The following NPAS3 variants were observed in gnomAD, a reference collection of about 807,000 sequenced individuals.
NPAS3 encodes neuronal PAS domain protein 3, also known as neuronal PAS domain-containing protein 3.
NPAS3 carries 14 observed loss-of-function variants against 73.1 expected under a neutral mutation model. The observed-to-expected ratio is 0.19, with a 90% CI of 0.13 to 0.30. The LOEUF (loss-of-function observed/expected upper bound fraction) is 0.30, where lower values mean the gene tolerates loss of function less well. Ranked by LOEUF, NPAS3 falls within the 10% of genes least tolerant of loss-of-function variation. The pLI is 1.00. For synonymous variants in NPAS3, 620 were observed against 541.5 expected (o/e 1.14, Z -2.01); for missense variants, 1,096 against 1,250.0 (o/e 0.88, Z 1.86).
chr14:33,391,384 G>A (rs2046998029), intron 4 of NPAS3, among the ~76,000 whole-genome samples: 1 of 151,734 alleles, frequency 6.6e-6, no homozygotes, highest in Non-Finnish European at 1.5e-5. Context: ...GTAGAGATGG[G>A]GTTTCTCTAT....
At chr14:33,269,734 C>T (rs1469184311) in intron 3 of NPAS3, among the ~76,000 whole-genome samples, 1 of 150,590 alleles carries the variant, frequency 6.6e-6, no homozygotes, top group Non-Finnish European at 1.5e-5. Context: ...TGCCAAAAAG[C>T]TTTATTCGTA....
At chr14:33,425,539 C>T (rs960394748) in intron 4 of NPAS3, among the ~76,000 whole-genome samples, 1 of 115,936 alleles carries the variant, frequency 8.6e-6, no homozygotes, top group Non-Finnish European at 1.7e-5. Flanking sequence ...TTCCACTCCA[C>T]CTTTTTTTTT....
chr14:33,237,295 A>G (rs909044110), intron 3 of NPAS3, among the ~76,000 whole-genome samples: 1 of 152,120 alleles, frequency 6.6e-6, no homozygotes, highest in Non-Finnish European at 1.5e-5. Context: ...CTACTTTGTT[A>G]AACAGCATTT....
rs189611787 is a variant in NPAS3 at position 33,201,500 on chromosome 14, T to G, written c.141-13682T>G. ...TGCCTGATAACTCAAAAGGACACCT[T>G]GAGGAGAAACCTTTTGAGATGAATA... is the stretch of plus-strand genomic sequence containing the variant. On this transcript the variant is annotated intron_variant, in intron 2 of 11. Coordinates refer to ENST00000356141, the Ensembl canonical transcript of NPAS3. 2.7e-3 allele frequency among the ~76,000 whole-genome samples: 411 copies of G among 152,310 alleles called. 2 individuals are homozygous for G. The highest frequency in any genetic ancestry group is 9.4e-3 in the African/African-American group (391 of 41,564).
At chr14:33,751,816 C>T (rs988798103) in intron 7 of NPAS3, among the ~76,000 whole-genome samples, 2 of 152,088 alleles carry the variant, frequency 1.3e-5, no homozygotes, top group African/African-American at 4.8e-5. Flanking sequence ...GTACCCAATC[C>T]CTTTGTCCCA....
At chr14:33,187,035 T>A (rs1445796470) in intron 2 of NPAS3, among the ~76,000 whole-genome samples, 1 of 152,204 alleles carries the variant, frequency 6.6e-6, no homozygotes, top group Non-Finnish European at 1.5e-5. Context: ...TAAACCAGCA[T>A]CCTGGATTTC....
chr14:33,380,628 A>G (rs2046505784), intron 4 of NPAS3, among the ~76,000 whole-genome samples: 1 of 152,232 alleles, frequency 6.6e-6, no homozygotes, highest in Non-Finnish European at 1.5e-5. Context: ...AGAAAATGTC[A>G]TGCCATTTTG....
chr14:33,034,222 G>A (rs1406440197), intron 1 of NPAS3, among the ~76,000 whole-genome samples: 1 of 151,678 alleles, frequency 6.6e-6, no homozygotes, highest in East Asian at 1.9e-4. Context: ...GAAATCAGAA[G>A]CTAAATTACA....
At chr14:33,721,776 C>T (rs17101773) in intron 6 of NPAS3, among the ~76,000 whole-genome samples, 22,187 of 152,090 alleles carry the variant, frequency 0.15, 1,894 homozygotes, top group East Asian at 0.27. Context: ...ATAAGCACTA[C>T]GTATATGATC....
intron 5 of NPAS3, among the ~76,000 whole-genome samples, chr14:33,634,570 C>A (rs2058464108): frequency 6.6e-6 from 1 of 152,018 alleles, no homozygotes; most frequent in Admixed American, 6.6e-5. Flanking sequence ...CAGAGAGCAC[C>A]AGGAGTAGTA....
intron 4 of NPAS3, among the ~76,000 whole-genome samples, chr14:33,377,067 C>T (rs1408097620): frequency 6.6e-6 from 1 of 152,122 alleles, no homozygotes; most frequent in African/African-American, 2.4e-5. Context: ...GATAAATATT[C>T]TTTATTGAAC....
At chr14:33,661,401 C>T (rs988608599) in intron 5 of NPAS3, among the ~76,000 whole-genome samples, 2 of 152,132 alleles carry the variant, frequency 1.3e-5, no homozygotes, top group African/African-American at 2.4e-5. Context: ...AACCCTGCCC[C>T]GTTCAGACTG....
At chr14:33,400,936 T>A (rs2047418974) in intron 4 of NPAS3, among the ~76,000 whole-genome samples, 2 of 152,138 alleles carry the variant, frequency 1.3e-5, no homozygotes, top group Admixed American at 1.3e-4. Context: ...TTTGTCTTTT[T>A]TTTTTTACAG....
intron 3 of NPAS3, among the ~76,000 whole-genome samples, chr14:33,266,026 C>T (rs958387955): frequency 6.6e-6 from 1 of 151,388 alleles, no homozygotes; most frequent in Non-Finnish European, 1.5e-5. Context: ...AATACATATA[C>T]ACACACATTT....
chr14:33,740,688 G>A (rs1244986109), intron 7 of NPAS3, among the ~76,000 whole-genome samples: 2 of 152,140 alleles, frequency 1.3e-5, no homozygotes, highest in Non-Finnish European at 2.9e-5. Context: ...GAAACATACT[G>A]GGTCCATAGT....
At chr14:33,744,166 A>G (rs1369002126) in intron 7 of NPAS3, among the ~76,000 whole-genome samples, 2 of 152,190 alleles carry the variant, frequency 1.3e-5, no homozygotes, top group East Asian at 1.9e-4. Flanking sequence ...CTCAGCTTTC[A>G]ATATGCCTTA....
At chr14:33,244,043 GC>G (rs1248096344) in intron 3 of NPAS3, among the ~76,000 whole-genome samples, 1 of 151,752 alleles carries the variant, frequency 6.6e-6, no homozygotes, top group Non-Finnish European at 1.5e-5. Flanking sequence ...TGTGCACATA[GC>G]TTTGTTTGAT....
intron 1 of NPAS3, among the ~76,000 whole-genome samples, chr14:32,986,306 A>G (rs1028201204): frequency 1.8e-4 from 28 of 152,332 alleles, no homozygotes; most frequent in South Asian, 1.0e-3. Context: ...GATTCAGCGT[A>G]TTTTAATGAG....
chr14:33,498,381 A>G (rs1431691439), intron 4 of NPAS3, among the ~76,000 whole-genome samples: 1 of 152,218 alleles, frequency 6.6e-6, no homozygotes, highest in African/African-American at 2.4e-5. Flanking sequence ...TGCTATAAAG[A>G]CACATGCACA....
Sources: allele counts gnomAD v4.1 joint callset (sites outside exome capture counted in the v4.1 genomes callset), GRCh38; gene constraint gnomAD v4.1.1; transcripts MANE v1.5; gene names NCBI Gene and HGNC (gene_info 2026-07-23, HGNC 2026-07-21).